Variants in QTMAN observed in about 807,000 individuals in gnomAD.
The protein encoded by QTMAN is queuosine-tRNA mannosyltransferase.
the QTMAN span, among the ~76,000 whole-genome samples, chr2:144,170,606 A>C: frequency 6.6e-6 from 1 of 152,152 alleles, no homozygotes; most frequent in Non-Finnish European, 1.5e-5. Context: ...TAAATGGGCT[A>C]TCTGACAGGA....
chr2:144,242,853 T>C, the QTMAN span, among the ~76,000 whole-genome samples: 2 of 150,634 alleles, frequency 1.3e-5, no homozygotes, highest in Admixed American at 6.6e-5. Context: ...TCCCAGCACT[T>C]TGGGAGGCTG....
At chr2:144,033,019 T>C in the QTMAN span, among the ~76,000 whole-genome samples, 1 of 152,168 alleles carries the variant, frequency 6.6e-6, no homozygotes, top group African/African-American at 2.4e-5. Flanking sequence ...GAAAAGATGA[T>C]GTGAAAAGTA....
At chr2:144,028,443 A>C in the QTMAN span, among the ~76,000 whole-genome samples, 5 of 152,210 alleles carry the variant, frequency 3.3e-5, no homozygotes, top group African/African-American at 4.8e-5. Context: ...ATATTGGAAA[A>C]ATATTTCTGC....
At chr2:144,155,248 A>C in the QTMAN span, among the ~76,000 whole-genome samples, 1 of 152,210 alleles carries the variant, frequency 6.6e-6, no homozygotes, top group Non-Finnish European at 1.5e-5. Flanking sequence ...CTCAAGAGGA[A>C]AGGTAGATGT....
chr2:144,038,774 T>C, the QTMAN span, among the ~76,000 whole-genome samples: 1 of 152,134 alleles, frequency 6.6e-6, no homozygotes, highest in Non-Finnish European at 1.5e-5. Context: ...TACCCCTCAA[T>C]AGAGATTAAA....
At chr2:144,232,297 T>C in the QTMAN span, among the ~76,000 whole-genome samples, 1 of 152,216 alleles carries the variant, frequency 6.6e-6, no homozygotes, top group Non-Finnish European at 1.5e-5. Flanking sequence ...ATACTGCTGA[T>C]ACACCTCTGT....
At chr2:144,006,629 T>C in the QTMAN span, 1 of 152,128 alleles carries the variant, frequency 6.6e-6, no homozygotes, top group Non-Finnish European at 1.5e-5. Flanking sequence ...GCAGTTGATT[T>C]TCCTCTGTTT....
At chr2:144,196,582 C>T in the QTMAN span, among the ~76,000 whole-genome samples, 1 of 152,116 alleles carries the variant, frequency 6.6e-6, no homozygotes, top group South Asian at 2.1e-4. Context: ...CTCAAGTGAA[C>T]ATTGTTCAAA....
chr2:144,192,843 G>T, the QTMAN span, among the ~76,000 whole-genome samples: 1 of 152,124 alleles, frequency 6.6e-6, no homozygotes, highest in East Asian at 1.9e-4. Context: ...ACTAAAGCCG[G>T]TATCAATTTG....
At chr2:143,967,778 T>C in the QTMAN span, among the ~76,000 whole-genome samples, 1 of 152,046 alleles carries the variant, frequency 6.6e-6, no homozygotes. Flanking sequence ...AGAGAAACAG[T>C]TGGGTCAGAA....
chr2:144,300,646 T>C, the QTMAN span, among the ~76,000 whole-genome samples: 2 of 152,168 alleles, frequency 1.3e-5, no homozygotes, highest in Admixed American at 1.3e-4. Context: ...GCTTGAGGTC[T>C]GAATTTAAGA....
At chr2:144,082,883 T>TACACACGCACACAC in the QTMAN span, among the ~76,000 whole-genome samples, 9 of 151,722 alleles carry the variant, frequency 5.9e-5, no homozygotes, top group South Asian at 1.9e-3. Flanking sequence ...GGAATTAAAA[T>TACACACGCACACAC]ACACACGCAC....
the QTMAN span, among the ~76,000 whole-genome samples, chr2:144,144,019 T>C: frequency 1.3e-5 from 2 of 151,974 alleles, no homozygotes; most frequent in Admixed American, 1.3e-4. Context: ...TGAACCATTT[T>C]TTCCCCATTA....
the QTMAN span, among the ~76,000 whole-genome samples, chr2:144,069,165 T>C: frequency 6.6e-6 from 1 of 152,036 alleles, no homozygotes; most frequent in Non-Finnish European, 1.5e-5. Context: ...TGTTATTGCA[T>C]AGATGGTACT....
At chr2:144,015,115 C>T in the QTMAN span, among the ~76,000 whole-genome samples, 1 of 152,200 alleles carries the variant, frequency 6.6e-6, no homozygotes, top group East Asian at 1.9e-4. Flanking sequence ...ATTTAAGGTC[C>T]TTATGAATGT....
At chr2:144,121,473 G>A in the QTMAN span, among the ~76,000 whole-genome samples, 2 of 152,172 alleles carry the variant, frequency 1.3e-5, no homozygotes, top group East Asian at 3.8e-4. Flanking sequence ...CATTCAGTAT[G>A]TCTGCCATAC....
the QTMAN span, among the ~76,000 whole-genome samples, chr2:144,134,011 G>A: frequency 0.02 from 3,026 of 152,196 alleles, 37 homozygotes; most frequent in Non-Finnish European, 0.031. Context: ...ATGACCACAT[G>A]TGGTAAGAAG....
At chr2:144,166,017 A>C in the QTMAN span, among the ~76,000 whole-genome samples, 6 of 151,188 alleles carry the variant, frequency 4.0e-5, no homozygotes, top group Non-Finnish European at 8.8e-5. Flanking sequence ...AGATCTGGCC[A>C]GGTCACTCTC....
chr2:144,332,648 G>T, the QTMAN span: 2 of 151,396 alleles, frequency 1.3e-5, no homozygotes, highest in South Asian at 4.1e-4. Context: ...TGCGCCGCCC[G>T]GACTCCGCTG....
Sources: allele counts gnomAD v4.1 joint callset (sites outside exome capture counted in the v4.1 genomes callset), GRCh38; gene constraint gnomAD v4.1.1; transcripts MANE v1.5; gene names NCBI Gene and HGNC (gene_info 2026-07-23, HGNC 2026-07-21).